The following NBEA variants were observed in gnomAD, a reference collection of about 807,000 sequenced individuals.
NBEA encodes lysosomal-trafficking regulator 2.
Under a neutral mutation model 343.4 loss-of-function variants are expected in NBEA, and 44 were observed. That is an observed-to-expected ratio of 0.13 (90% CI 0.10 to 0.16). The LOEUF (loss-of-function observed/expected upper bound fraction) is 0.16, where lower values mean the gene tolerates loss of function less well. Among genes scored for constraint, NBEA ranks in the 10% least tolerant of loss-of-function variants. NBEA has a pLI of 1.00. For synonymous variants in NBEA, 1,175 were observed against 1,238.7 expected (o/e 0.95, Z 1.08); for missense variants, 2,555 against 3,631.3 (o/e 0.70, Z 7.62).
chr13:35,519,523 A>G (rs1223000648), intron 41 of NBEA, among the ~76,000 whole-genome samples: 1 of 152,174 alleles, frequency 6.6e-6, no homozygotes, highest in Non-Finnish European at 1.5e-5. Flanking sequence ...GCATTCATGA[A>G]ATATTAGTTT....
At chr13:35,557,650 A>G (rs543339796) in intron 44 of NBEA, among the ~76,000 whole-genome samples, 1 of 152,262 alleles carries the variant, frequency 6.6e-6, no homozygotes, top group South Asian at 2.1e-4. Context: ...AAGCCTGACT[A>G]TTGTAAGCAA....
chr13:35,655,900 T>C (rs1047362678), intron 55 of NBEA, 151 bp downstream of exon 55: 8 of 651,074 alleles, frequency 1.2e-5, no homozygotes, highest in Non-Finnish European at 1.8e-5. Context: ...AACGTAGCTA[T>C]GTTCAAAGTG....
chr13:35,258,114 G>A (rs2032827228), intron 34 of NBEA, among the ~76,000 whole-genome samples: 1 of 150,544 alleles, frequency 6.6e-6, no homozygotes, highest in African/African-American at 2.4e-5. Context: ...TGTAAAATAA[G>A]GTTTTGCAAA....
At chr13:34,999,614 T>A (rs950797135) in intron 1 of NBEA, among the ~76,000 whole-genome samples, 1 of 152,152 alleles carries the variant, frequency 6.6e-6, no homozygotes, top group Admixed American at 6.6e-5. Flanking sequence ...TTTAAAAAAA[T>A]AAGCTTTATA....
intron 33 of NBEA, among the ~76,000 whole-genome samples, chr13:35,223,139 A>G (rs1264997816): frequency 6.6e-6 from 1 of 152,208 alleles, no homozygotes; most frequent in Non-Finnish European, 1.5e-5. Context: ...CTTGAAAAAG[A>G]AAAAGAAAAT....
chr13:35,131,117 A>G lies in NBEA; in HGVS notation c.2336+7543A>G, dbSNP rs563378305. On this transcript the variant is annotated intron_variant, in intron 17 of 58. Coordinates refer to ENST00000379939, the MANE Select transcript of NBEA (RefSeq NM_001385012.1). ...GGCAAAAGAAATAGTAAAGGGCAGA[A>G]GTGAATGAAACAGAAAGCAAGACTA... Among the ~76,000 whole-genome samples, 6 of 152,260 alleles carry G rather than the reference A, an allele frequency of 3.9e-5. No homozygotes were observed. In the East Asian group the frequency reaches 7.7e-4, roughly 20 times the overall value.
intron 1 of NBEA, among the ~76,000 whole-genome samples, chr13:34,953,855 C>G (rs550867311): frequency 5.8e-4 from 89 of 152,358 alleles, no homozygotes; most frequent in Admixed American, 3.5e-3. Flanking sequence ...CACCTGAGCT[C>G]TGCCTCCTGT....
intron 38 of NBEA, among the ~76,000 whole-genome samples, chr13:35,410,379 C>T (rs573921656): frequency 6.6e-5 from 10 of 152,148 alleles, no homozygotes; most frequent in Admixed American, 4.6e-4. Flanking sequence ...AATTAATTTG[C>T]AATGTAAATT....
At chr13:35,475,591 C>T in intron 41 of NBEA, 1 of 1,613,698 alleles carries the variant, frequency 6.2e-7, no homozygotes, top group Non-Finnish European at 8.5e-7. Flanking sequence ...GTGGGCAGCA[C>T]TCCTCGGCCA....
intron 6 of NBEA, among the ~76,000 whole-genome samples, chr13:35,051,503 T>A (rs1270557006): frequency 1.3e-5 from 2 of 152,052 alleles, no homozygotes; most frequent in Non-Finnish European, 2.9e-5. Flanking sequence ...ATTTGCTTTA[T>A]ATTTAATGTC....
chr13:34,994,737 A>G (rs2060881448), intron 1 of NBEA, among the ~76,000 whole-genome samples: 1 of 152,212 alleles, frequency 6.6e-6, no homozygotes, highest in African/African-American at 2.4e-5. Flanking sequence ...CTCATACAAC[A>G]GGGAATTCAG....
At chr13:34,945,046 C>CGTATTTTAG (rs1300430867) in intron 1 of NBEA, among the ~76,000 whole-genome samples, 14 of 152,202 alleles carry the variant, frequency 9.2e-5, no homozygotes, top group Admixed American at 4.6e-4. Flanking sequence ...GAAAATCTGA[C>CGTATTTTAG]ATGAAGTTTC....
chr13:35,449,881 CTATT>C (rs1349689934), intron 39 of NBEA, among the ~76,000 whole-genome samples: 3 of 152,056 alleles, frequency 2.0e-5, no homozygotes, highest in Non-Finnish European at 2.9e-5. Context: ...GTCTAACAAT[CTATT>C]TATACATTTA....
intron 53 of NBEA, among the ~76,000 whole-genome samples, chr13:35,652,727 C>A (rs1470436208): frequency 8.9e-6 from 1 of 112,176 alleles, no homozygotes; most frequent in Non-Finnish European, 1.7e-5. Context: ...CGGAGTCTCG[C>A]TCTGTCGCCC....
intron 11 of NBEA, among the ~76,000 whole-genome samples, chr13:35,108,147 A>G (rs2066010891): frequency 1.3e-5 from 2 of 152,060 alleles, no homozygotes; most frequent in Non-Finnish European, 2.9e-5. Context: ...ACTGATATTC[A>G]GACTTCAGTT....
intron 36 of NBEA, among the ~76,000 whole-genome samples, chr13:35,346,926 A>G (rs1423858896): frequency 1.3e-5 from 2 of 152,058 alleles, no homozygotes; most frequent in African/African-American, 4.8e-5. Context: ...AAATAAAGGA[A>G]CCATTCACCT....
chr13:35,531,724 T>C (rs549940865), intron 41 of NBEA, among the ~76,000 whole-genome samples: 16 of 152,212 alleles, frequency 1.1e-4, no homozygotes, highest in Non-Finnish European at 2.2e-4. Flanking sequence ...CAATTTTAAT[T>C]GAGCTCCAGA....
chr13:35,237,944 G>A (rs2075311332), intron 34 of NBEA, among the ~76,000 whole-genome samples: 1 of 152,060 alleles, frequency 6.6e-6, no homozygotes, highest in East Asian at 1.9e-4. Flanking sequence ...CTAGAACAAT[G>A]TAGTTCACCT....
intron 34 of NBEA, among the ~76,000 whole-genome samples, chr13:35,247,063 T>C (rs1292236919): frequency 1.3e-5 from 2 of 152,078 alleles, no homozygotes; most frequent in African/African-American, 2.4e-5. Context: ...GTCAGGGAAG[T>C]GCAGGAAAGC....
Sources: gnomAD v4.1 joint callset for allele counts (sites outside exome capture counted in the v4.1 genomes callset) on GRCh38, gnomAD v4.1.1 for gene constraint, MANE v1.5 for transcripts, NCBI Gene and HGNC (gene_info 2026-07-23, HGNC 2026-07-21) for gene names.